CDK1: variants seen among roughly 807,000 people sequenced by gnomAD.
The protein encoded by CDK1 is cyclin dependent kinase 1, also known as cyclin-dependent kinase 1.
A neutral mutation model predicts 34.6 loss-of-function variants in CDK1; 5 were observed. The observed-to-expected ratio is 0.14, with a 90% CI of 0.08 to 0.30. CDK1 has a LOEUF of 0.30. CDK1 is among the 10% of genes least tolerant of loss of function. The pLI, the probability that CDK1 is intolerant of heterozygous loss-of-function variation, is 1.00. For synonymous variants in CDK1, 108 were observed against 114.7 expected (o/e 0.94, Z 0.37); for missense variants, 157 against 345.7 (o/e 0.45, Z 4.33).
At chr10:60,778,864 G>C (rs1203946051) in intron 1 of CDK1, among the ~76,000 whole-genome samples, 1 of 152,248 alleles carries the variant, frequency 6.6e-6, no homozygotes, top group Non-Finnish European at 1.5e-5. Flanking sequence ...CTCAGGAACT[G>C]CCTGAAGAGG....
Position 60,785,798 on chromosome 10 carries a change from A to G in CDK1, c.318+11A>G, listed in dbSNP as rs1338296448. The G allele has an allele frequency of 1.3e-6, 2 of 1,580,584 alleles. No individual in the cohort carries two copies. Among genetic ancestry groups the G allele is most frequent in the African/African-American group, 1.4e-5 (1 of 74,006 alleles). Reference sequence around the variant, plus strand: ...TCTTCACTTGTTAAGGTAAAAGCTTAACTAATTTTATTAATATTTATGCAC... The same window carrying G: ...TCTTCACTTGTTAAGGTAAAAGCTTGACTAATTTTATTAATATTTATGCAC... On this transcript the variant is annotated intron_variant, in intron 4 of 7. Coordinates refer to ENST00000395284, the MANE Select transcript of CDK1 (RefSeq NM_001786.5).
intron 1 of CDK1, 80 bp from the exon 2 acceptor site, chr10:60,780,061 T>C (rs1564663511): frequency 1.4e-6 from 1 of 729,052 alleles, no homozygotes; most frequent in East Asian, 2.5e-5. Context: ...TGGAAAATGC[T>C]TTACATATAG....
In CDK1 at chr10:60,793,911, C is replaced by G; in HGVS notation, c.830C>G (p.Ser277Cys). The G allele has an allele frequency of 6.4e-7, 1 of 1,559,838 alleles. No individual in the cohort carries two copies. The highest frequency in any genetic ancestry group is 2.4e-5 in the East Asian group (1 of 41,200). The change falls in exon 8 of 8, where the codon TCT (serine) becomes TGT (cysteine). Residue 277 changes from serine to cysteine, a missense_variant. Physicochemically the swap from Ser to Cys is moderately radical, Grantham distance 112. Transcript: ENST00000395284. Reference sequence around the variant, plus strand: ...ATCTATGATCCAGCCAAACGAATTTCTGGCAAAATGGCACTGAATCATCCA... The same window carrying G: ...ATCTATGATCCAGCCAAACGAATTTGTGGCAAAATGGCACTGAATCATCCA... ...MLIYDPAKRI[S>C]GKMALNHPYF...
chr10:60,792,131 A>G lies in CDK1; in HGVS notation c.654-17A>G, dbSNP rs2456777. The G allele has an allele frequency of 0.76, 1,209,706 of 1,596,898 alleles. 459,292 individuals carry two copies. Among genetic ancestry groups the G allele is most frequent in the East Asian group, 0.82 (36,518 of 44,752 alleles). On this transcript the variant is annotated splice_polypyrimidine_tract_variant and intron_variant, in intron 6 of 7. Coordinates refer to ENST00000395284, the MANE Select transcript of CDK1 (RefSeq NM_001786.5). ...TACATTTATGCTTTAAGAAATTTTT[A>G]ATTTCCTGTTTTTTAGAGCTTTGGG...
Position 60,784,930 on chromosome 10 carries a change from A to G in CDK1, c.194+69A>G, listed in dbSNP as rs898014774. ...TTCAAATATAAATTTCAACTTGGAA[A>G]TCTTTACATTTGCTCAATTTCTTGG... On this transcript the variant is annotated intron_variant, in intron 3 of 7. Coordinates refer to ENST00000395284, the MANE Select transcript of CDK1 (RefSeq NM_001786.5). 8.4e-6 allele frequency: 12 copies of G among 1,429,640 alleles called. No individual in the cohort carries two copies. In the African/African-American group the frequency reaches 9.9e-5, roughly 12 times the overall value. 88.6% of individuals were successfully genotyped at this position (1,429,640 alleles called of 1,614,324 possible). A position where few individuals can be genotyped will look rare whatever the true frequency, so the allele number is the denominator to read the frequency against.
At chr10:60,790,525 G>A (rs1341090957) in intron 5 of CDK1, among the ~76,000 whole-genome samples, 2 of 152,170 alleles carry the variant, frequency 1.3e-5, no homozygotes, top group African/African-American at 2.4e-5. Context: ...GGGATTATAG[G>A]CATGAGCTGC....
intron 2 of CDK1, 72 bp from the exon 3 acceptor site, chr10:60,784,633 G>T: frequency 9.6e-7 from 1 of 1,038,070 alleles, no homozygotes; most frequent in Non-Finnish European, 1.3e-6. Flanking sequence ...CTGCCATAAG[G>T]AAAAAAAAAA....
At chr10:60,780,088 A>G in intron 1 of CDK1, 53 bp from the exon 2 acceptor site, 2 of 855,490 alleles carry the variant, frequency 2.3e-6, no homozygotes, top group Non-Finnish European at 2.0e-6. Flanking sequence ...ATTAATGCTT[A>G]AAACTACTCG....
chr10:60,782,984 G>T (rs1381292803), intron 2 of CDK1, among the ~76,000 whole-genome samples: 1 of 152,066 alleles, frequency 6.6e-6, no homozygotes, highest in African/African-American at 2.4e-5. Flanking sequence ...ACTTGAGGGA[G>T]AAGAAAGGAT....
Position 60,784,815 on chromosome 10 carries a change from C to T in CDK1, c.148C>T (p.Arg50Trp), listed in dbSNP as rs1312102931. The change falls in exon 3 of 8, where the codon CGG (arginine) becomes TGG (tryptophan). Residue 50 changes from arginine to tryptophan, a missense_variant. This residue lies in a region of CDK1 where 53 missense variants were observed against 89.2 expected (regional missense o/e 0.59). Transcript: ENST00000395284. Reference protein sequence around the residue: ...EEEGVPSTAIREISLLKELRH... With the variant: ...EEEGVPSTAIWEISLLKELRH... ...GGAAGGGGTTCCTAGTACTGCAATTCGGGAAATTTCTCTATTAAAGGAACT... is the reference window on the plus strand; with the variant it reads ...GGAAGGGGTTCCTAGTACTGCAATTTGGGAAATTTCTCTATTAAAGGAACT... The T allele has an allele frequency of 6.2e-7, 1 of 1,613,284 alleles. No homozygotes were observed. The highest frequency in any genetic ancestry group is 8.5e-7 in the Non-Finnish European group (1 of 1,179,418).
At chr10:60,787,423 C>T (rs1433706442) in intron 4 of CDK1, among the ~76,000 whole-genome samples, 2 of 152,030 alleles carry the variant, frequency 1.3e-5, no homozygotes, top group Admixed American at 1.3e-4. Flanking sequence ...TTGAACACCA[C>T]TTGTCCCTCT....
chr10:60,788,547 C>T (rs1033064905), intron 5 of CDK1, among the ~76,000 whole-genome samples: 2 of 152,010 alleles, frequency 1.3e-5, no homozygotes, highest in East Asian at 1.9e-4. Flanking sequence ...TCATTCCCAT[C>T]CTTTGTTGTA....
At chr10:60,786,904 G>C in intron 4 of CDK1, 1 of 982,858 alleles carries the variant, frequency 1.0e-6, no homozygotes, top group Non-Finnish European at 1.2e-6. Flanking sequence ...TCTTGCTTAA[G>C]TCTTCCTCAC....
In CDK1 at chr10:60,792,060, A is replaced by G. The variant is rs2080363847; in HGVS notation, c.653+7A>G. 1 of 1,607,418 alleles carries G rather than the reference A, an allele frequency of 6.2e-7. No homozygotes were observed. Among genetic ancestry groups the G allele is most frequent in the Non-Finnish European group, 8.5e-7 (1 of 1,175,896 alleles). On this transcript the variant is annotated splice_region_variant and intron_variant, in intron 6 of 7. Coordinates refer to ENST00000395284, the MANE Select transcript of CDK1 (RefSeq NM_001786.5). ...AACTCTTCAGGATTTTCAGGTAGCT[A>G]TTAAAAACTGAGATAATAAAGGTAA... is the stretch of plus-strand genomic sequence containing the variant.
Position 60,793,961 on chromosome 10 carries a change from AT to A in CDK1, c.882del (p.Lys295ArgfsTer52). 6.6e-7 allele frequency: 1 copy of A among 1,521,404 alleles called. No individual in the cohort carries two copies. The highest frequency in any genetic ancestry group is 8.8e-7 in the Non-Finnish European group (1 of 1,135,036). The allele number at this position is 1,521,404 out of a possible 1,614,324, so 94.2% of individuals were successfully genotyped here. A position where few individuals can be genotyped will look rare whatever the true frequency, so the allele number is the denominator to read the frequency against. On this transcript the variant is annotated frameshift_variant, in exon 8 of 8. Coordinates refer to ENST00000395284, the MANE Select transcript of CDK1 (RefSeq NM_001786.5). LOFTEE classifies it high-confidence loss of function. Reference sequence around the variant, plus strand: ...ATATTTTAATGATTTGGACAATCAGATTAAGAAGATGTAGCTTTCTGACAAA... The same window carrying A: ...ATATTTTAATGATTTGGACAATCAGATAAGAAGATGTAGCTTTCTGACAAA... ...HPYFNDLDNQIKKM is the reference protein window; with the variant it reads ...HPYFNDLDNQXKKM
intron 6 of CDK1, 31 bp downstream of exon 6, chr10:60,792,084 A>G: frequency 6.2e-7 from 1 of 1,602,040 alleles, no homozygotes; most frequent in Non-Finnish European, 8.5e-7. Context: ...TAATAAAGGT[A>G]ACATATATGT....
intron 2 of CDK1, among the ~76,000 whole-genome samples, chr10:60,781,357 C>G (rs1173425958): frequency 6.6e-6 from 1 of 152,098 alleles, no homozygotes; most frequent in Non-Finnish European, 1.5e-5. Flanking sequence ...TAAATTTAAT[C>G]CATTACATAC....
Position 60,793,915 on chromosome 10 carries a change from C to A in CDK1, c.834C>A (p.Gly278=). The change falls in exon 8 of 8, where the codon GGC becomes GGA. Residue 278 remains glycine, a synonymous_variant. Coordinates refer to ENST00000395284, the MANE Select transcript of CDK1 (RefSeq NM_001786.5). The part of the protein sequence containing the change: ...LIYDPAKRIS[G]KMALNHPYFN... ...ATGATCCAGCCAAACGAATTTCTGG[C>A]AAAATGGCACTGAATCATCCATATT... 6.4e-7 allele frequency: 1 copy of A among 1,560,246 alleles called. No homozygotes were observed. Among genetic ancestry groups the A allele is most frequent in the Non-Finnish European group, 8.6e-7 (1 of 1,157,428 alleles).
At chr10:60,787,308 C>T (rs992824875) in intron 4 of CDK1, among the ~76,000 whole-genome samples, 3 of 152,030 alleles carry the variant, frequency 2.0e-5, no homozygotes, top group South Asian at 2.1e-4. Context: ...AGGTGGGCTA[C>T]GCTTAGCTAC....
Sources: allele counts gnomAD v4.1 joint callset (sites outside exome capture counted in the v4.1 genomes callset), GRCh38; gene constraint gnomAD v4.1.1; regional missense constraint gnomAD v4.1.1; transcripts MANE v1.5; gene names NCBI Gene and HGNC (gene_info 2026-07-23, HGNC 2026-07-21).